Variants in DAPK2 observed in about 807,000 individuals in gnomAD.
DAPK2 encodes the protein death associated protein kinase 2, also known as death-associated protein kinase 2.
In DAPK2, 35 loss-of-function variants were observed where a neutral mutation model predicts 44.1. The observed-to-expected ratio is 0.79, with a 90% CI of 0.61 to 1.05. The LOEUF (loss-of-function observed/expected upper bound fraction) is 1.05, where lower values mean the gene tolerates loss of function less well. Ranked by LOEUF, DAPK2 falls within the 50% of genes least tolerant of loss-of-function variation. The pLI, the probability that DAPK2 is intolerant of heterozygous loss-of-function variation, is 0.00. For missense variants in DAPK2, 453 were observed against 483.2 expected (o/e 0.94, Z 0.59); for synonymous variants, 174 against 182.6 (o/e 0.95, Z 0.38).
At chr15:63,910,398 G>C (rs16947567) in intron 10 of DAPK2, among the ~76,000 whole-genome samples, 2,374 of 152,246 alleles carry the variant, frequency 0.016, 65 homozygotes, top group African/African-American at 0.055. Flanking sequence ...TGAGCAGGGC[G>C]TCCCCTTCTG....
upstream of DAPK2, among the ~76,000 whole-genome samples, chr15:64,040,897 GAAAAA>G (rs3056980): frequency 8.5e-4 from 71 of 83,442 alleles, no homozygotes; most frequent in African/African-American, 1.9e-3. Context: ...CTGGGCAACA[GAAAAA>G]AAAAAAAAAA....
At chr15:63,913,005 T>C (rs1373685554) in intron 8 of DAPK2, among the ~76,000 whole-genome samples, 5 of 152,188 alleles carry the variant, frequency 3.3e-5, no homozygotes. Context: ...CAAAGGAATA[T>C]TAGTCAGAAA....
At chr15:63,927,408 G>A (rs866830405) in intron 6 of DAPK2, among the ~76,000 whole-genome samples, 5 of 152,182 alleles carry the variant, frequency 3.3e-5, no homozygotes, top group African/African-American at 9.6e-5. Flanking sequence ...AATTAACTTC[G>A]TTCCCTACAT....
intron 1 of DAPK2, among the ~76,000 whole-genome samples, chr15:64,004,082 TTC>T (rs143683927): frequency 1.2e-4 from 18 of 147,476 alleles, no homozygotes; most frequent in Non-Finnish European, 1.5e-4. Flanking sequence ...CTTTAGGTTC[TTC>T]TCTCTCTCTC....
rs1250691234 is a variant in DAPK2, at chr15:63,923,879, T to C, written c.858+937A>G. On this transcript the variant is annotated intron_variant, in intron 8 of 10. Coordinates refer to ENST00000261891, the Ensembl canonical transcript of DAPK2. This position sits in a 1 kb window ranked among gnomAD's most constrained non-coding sequence, Gnocchi z 4.2. ...ATTATTTTTTAGAGAGATGGGGTCT[T>C]GGCATGTTGCTCAAGTTGGTCTTGA... is the stretch of plus-strand genomic sequence containing the variant. Among the ~76,000 whole-genome samples the C allele has an allele frequency of 6.6e-6, 1 of 152,196 alleles. No individual in the cohort carries two copies. The highest frequency in any genetic ancestry group is 2.4e-5 in the African/African-American group (1 of 41,442).
intron 10 of DAPK2, chr15:63,910,912 C>T (rs140914317): frequency 6.6e-6 from 1 of 152,338 alleles, no homozygotes; most frequent in East Asian, 1.9e-4. Flanking sequence ...CACTTACATG[C>T]CAGGCTTTAA....
At chr15:63,976,381 G>A (rs2078347434) in intron 2 of DAPK2, among the ~76,000 whole-genome samples, 1 of 152,152 alleles carries the variant, frequency 6.6e-6, no homozygotes, top group Non-Finnish European at 1.5e-5. Flanking sequence ...TATTGTTTCA[G>A]TAGAATTGCA....
intron 1 of DAPK2, among the ~76,000 whole-genome samples, chr15:64,027,212 T>C (rs11637943): frequency 2.0e-5 from 3 of 152,052 alleles, no homozygotes; most frequent in Admixed American, 2.0e-4. Flanking sequence ...TGAAACCCTG[T>C]CTCTACTAAA....
intron 5 of DAPK2, 141 bp downstream of exon 6, chr15:63,930,266 C>CG: frequency 4.6e-6 from 4 of 863,840 alleles, no homozygotes; most frequent in Non-Finnish European, 5.7e-6. Flanking sequence ...TCTAACACAT[C>CG]GGGGGAGCAG....
intron 1 of DAPK2, among the ~76,000 whole-genome samples, chr15:64,036,751 G>C (rs1173956928): frequency 3.3e-5 from 5 of 152,002 alleles, no homozygotes; most frequent in African/African-American, 7.2e-5. Context: ...TCTACACTAG[G>C]GTGCTCACTG....
intron 1 of DAPK2, among the ~76,000 whole-genome samples, chr15:64,000,922 G>A (rs1453131345): frequency 2.6e-5 from 4 of 151,596 alleles, no homozygotes; most frequent in East Asian, 1.9e-4. Context: ...TCTTGTCACC[G>A]AGGCTGGAGT....
intron 1 of DAPK2, among the ~76,000 whole-genome samples, chr15:64,027,170 G>A (rs1274561019): frequency 6.6e-6 from 1 of 152,100 alleles, no homozygotes; most frequent in East Asian, 1.9e-4. Context: ...GTCATCTGAG[G>A]TCAGGAATTC....
intron 3 of DAPK2, among the ~76,000 whole-genome samples, chr15:63,960,778 A>G (rs1032640311): frequency 6.6e-6 from 1 of 152,168 alleles, no homozygotes; most frequent in Non-Finnish European, 1.5e-5. Flanking sequence ...TATGTGGTCA[A>G]TTTTGGAATA....
Position 63,970,226 on chromosome 15 carries a change from G to C in DAPK2, c.453+1197C>G, listed in dbSNP as rs150042196. Among the ~76,000 whole-genome samples, 7 of 152,334 alleles carry C rather than the reference G, an allele frequency of 4.6e-5. No homozygotes were observed. In the East Asian group the frequency reaches 1.3e-3, roughly 29 times the overall value. On this transcript the variant is annotated intron_variant, in intron 3 of 10. Transcript: ENST00000261891. The stretch of plus-strand genomic sequence containing the variant: ...GGTAAAGTGCAAGCTCCTTGGCTTA[G>C]CTCCCAGACCCTTGTGTCTGCTTCC...
chr15:63,988,518 T>A (rs951405598), intron 1 of DAPK2, among the ~76,000 whole-genome samples: 2 of 151,848 alleles, frequency 1.3e-5, no homozygotes, highest in Non-Finnish European at 2.9e-5. Flanking sequence ...TTTTTTTTTT[T>A]TTTTGAGCTG....
chr15:64,027,156 G>C (rs1245543578), intron 1 of DAPK2, among the ~76,000 whole-genome samples: 1 of 152,176 alleles, frequency 6.6e-6, no homozygotes, highest in Admixed American at 6.5e-5. Flanking sequence ...GCCAAGGCAG[G>C]TGGGTCATCT....
chr15:63,963,400 C>G (rs1364048378), intron 3 of DAPK2, among the ~76,000 whole-genome samples: 2 of 152,226 alleles, frequency 1.3e-5, no homozygotes, highest in African/African-American at 4.8e-5. Flanking sequence ...CAGAAATCAC[C>G]CATCTTCTGC....
chr15:63,927,639 T>C (rs1050524590), intron 6 of DAPK2, among the ~76,000 whole-genome samples: 1 of 152,148 alleles, frequency 6.6e-6, no homozygotes, highest in Non-Finnish European at 1.5e-5. Context: ...CATGTCAGTA[T>C]CCTAGTGCCT....
intron 1 of DAPK2, among the ~76,000 whole-genome samples, chr15:64,038,917 T>C (rs565231279): frequency 6.6e-6 from 1 of 152,344 alleles, no homozygotes; most frequent in South Asian, 2.1e-4. Context: ...GCATATCTGA[T>C]TGCCTCCTTT....
Sources: gnomAD v4.1 joint callset for allele counts (sites outside exome capture counted in the v4.1 genomes callset) on GRCh38, gnomAD v4.1.1 for gene constraint, Gnocchi (gnomAD v3.1) non-coding constraint, MANE v1.5 for transcripts, NCBI Gene and HGNC (gene_info 2026-07-23, HGNC 2026-07-21) for gene names.